The following UBE2D1 variants were observed in gnomAD, a reference collection of about 807,000 sequenced individuals.
UBE2D1 encodes the protein ubiquitin-conjugating enzyme E2 D1.
UBE2D1 carries 9 observed loss-of-function variants against 24.6 expected under a neutral mutation model. The observed-to-expected ratio is 0.37, with a 90% confidence interval of 0.22 to 0.64. The LOEUF (loss-of-function observed/expected upper bound fraction) is 0.64. UBE2D1 is among the 30% of genes least tolerant of loss of function. The pLI is 0.64. For synonymous variants in UBE2D1, 57 were observed against 57.6 expected (o/e 0.99, Z 0.04); for missense variants, 87 against 177.1 (o/e 0.49, Z 2.89).
In UBE2D1 at chr10:58,370,127, G is replaced by A. The variant is rs1015241844; in HGVS notation, c.*1362G>A. ...CCCTCTGTTTTTATAAGTTGCCATC[G>A]AAAAGTGATTTAAATAAGCAGGTTA... On this transcript the variant is annotated 3_prime_UTR_variant, in exon 7 of 7. Transcript: ENST00000373910. The A allele has an allele frequency of 2.0e-5, 3 of 150,954 alleles. No individual in the cohort carries two copies. Among genetic ancestry groups the A allele is most frequent in the African/African-American group, 4.9e-5 (2 of 41,070 alleles). 9.4% of individuals were successfully genotyped at this position (150,954 alleles called of 1,614,324 possible).
intron 1 of UBE2D1, among the ~76,000 whole-genome samples, chr10:58,355,071 CAT>C (rs775886035): frequency 2.6e-5 from 4 of 152,128 alleles, no homozygotes; most frequent in African/African-American, 9.7e-5. Context: ...TAAAATACCA[CAT>C]GTCATTAAGC....
At chr10:58,341,060 G>C (rs1839956681) in intron 1 of UBE2D1, among the ~76,000 whole-genome samples, 1 of 152,224 alleles carries the variant, frequency 6.6e-6, no homozygotes, top group Admixed American at 6.5e-5. Context: ...AACACATGCT[G>C]AGATCGTTTA....
chr10:58,369,315 A>T lies in UBE2D1; in HGVS notation c.*550A>T, dbSNP rs1589005681. On this transcript the variant is annotated 3_prime_UTR_variant, in exon 7 of 7. Transcript: ENST00000373910. ...GAATTAACTGTGTCTCCCTTGTCTTAGGATATTCTGTAGATTGATTGCAGA... is the reference window on the plus strand; with the variant it reads ...GAATTAACTGTGTCTCCCTTGTCTTTGGATATTCTGTAGATTGATTGCAGA... 1 of 152,650 alleles carries T rather than the reference A, an allele frequency of 6.6e-6. No homozygotes were observed. The highest frequency in any genetic ancestry group is 2.1e-4 in the South Asian group (1 of 4,830). 9.5% of individuals were successfully genotyped at this position (152,650 alleles called of 1,614,324 possible).
At chr10:58,354,984 T>A (rs1313486378) in intron 1 of UBE2D1, among the ~76,000 whole-genome samples, 2 of 152,228 alleles carry the variant, frequency 1.3e-5, no homozygotes, top group Non-Finnish European at 2.9e-5. Context: ...TGGCATTGTT[T>A]TATGTTTTCA....
At chr10:58,341,307 CT>C (rs1163661653) in intron 1 of UBE2D1, among the ~76,000 whole-genome samples, 2 of 152,184 alleles carry the variant, frequency 1.3e-5, no homozygotes, top group African/African-American at 4.8e-5. Flanking sequence ...GACTCCAGTT[CT>C]TTCTAGAAAG....
At chr10:58,351,277 A>G (rs1018750212) in intron 1 of UBE2D1, among the ~76,000 whole-genome samples, 3 of 152,156 alleles carry the variant, frequency 2.0e-5, no homozygotes, top group African/African-American at 7.2e-5. Flanking sequence ...TATAAACTTT[A>G]TTTTTTTAAC....
Position 58,335,169 on chromosome 10 carries a change from G to T in UBE2D1, c.-33G>T. On this transcript the variant is annotated 5_prime_UTR_variant, in exon 1 of 7. Transcript: ENST00000373910. ...CCCCTGAGCCCCGCAGCCGACCCCT[G>T]CCGGCCGGTGTCCCCACCGCCATCC... 1 of 1,541,546 alleles carries T rather than the reference G, an allele frequency of 6.5e-7. No individual in the cohort carries two copies.
At chr10:58,367,048 AT>A (rs1194334645) in intron 5 of UBE2D1, among the ~76,000 whole-genome samples, 2 of 152,138 alleles carry the variant, frequency 1.3e-5, no homozygotes, top group African/African-American at 4.8e-5. Flanking sequence ...TAAAATACTA[AT>A]TTTTTCTTTA....
chr10:58,359,210 A>T (rs746092707), intron 1 of UBE2D1, among the ~76,000 whole-genome samples: 1 of 152,016 alleles, frequency 6.6e-6, no homozygotes, highest in Admixed American at 6.6e-5. Flanking sequence ...CATTGCCATA[A>T]TTACCTTATT....
chr10:58,351,777 A>G (rs1840079739), intron 1 of UBE2D1, among the ~76,000 whole-genome samples: 1 of 152,202 alleles, frequency 6.6e-6, no homozygotes, highest in Non-Finnish European at 1.5e-5. Flanking sequence ...TATGTGCTAT[A>G]CTTTTATAGG....
chr10:58,370,683 C>A lies in UBE2D1; in HGVS notation c.*1918C>A. The A allele has an allele frequency of 6.7e-6, 1 of 149,076 alleles. No homozygotes were observed. The allele number at this position is 149,076 out of a possible 1,614,324, so 9.2% of individuals were successfully genotyped here. A position where few individuals can be genotyped will look rare whatever the true frequency, so the allele number is the denominator to read the frequency against. On this transcript the variant is annotated 3_prime_UTR_variant, in exon 7 of 7. Coordinates refer to ENST00000373910, the MANE Select transcript of UBE2D1 (RefSeq NM_003338.5). Reference sequence around the variant, plus strand: ...TTAAACAAAAAAAAAAAACAACTTTCATTTGTGTGGCATTTATTTTTGGAA... The same window carrying A: ...TTAAACAAAAAAAAAAAACAACTTTAATTTGTGTGGCATTTATTTTTGGAA...
At chr10:58,351,869 A>G (rs1403256120) in intron 1 of UBE2D1, among the ~76,000 whole-genome samples, 2 of 152,198 alleles carry the variant, frequency 1.3e-5, no homozygotes, top group Non-Finnish European at 2.9e-5. Flanking sequence ...TAGGATGGCT[A>G]CAAGGTCATT....
intron 1 of UBE2D1, among the ~76,000 whole-genome samples, chr10:58,341,386 G>A (rs1033627722): frequency 1.3e-5 from 2 of 152,136 alleles, no homozygotes; most frequent in Admixed American, 6.5e-5. Context: ...TGAGATGAGA[G>A]CGAGATAGTG....
At chr10:58,358,974 AG>A (rs1840163382) in intron 1 of UBE2D1, among the ~76,000 whole-genome samples, 1 of 146,470 alleles carries the variant, frequency 6.8e-6, no homozygotes, top group Non-Finnish European at 1.5e-5. Flanking sequence ...TAACCCTGTT[AG>A]TTAATTCTTA....
At chr10:58,339,443 A>G (rs1421639868) in intron 1 of UBE2D1, among the ~76,000 whole-genome samples, 3 of 152,146 alleles carry the variant, frequency 2.0e-5, no homozygotes, top group Non-Finnish European at 2.9e-5. Context: ...GTGGCTTACT[A>G]GCTTCGTACA....
intron 1 of UBE2D1, among the ~76,000 whole-genome samples, chr10:58,340,853 A>G (rs1180445581): frequency 1.3e-5 from 2 of 152,198 alleles, no homozygotes; most frequent in African/African-American, 2.4e-5. Context: ...TCTTATCCAC[A>G]TGAACTCGTA....
At chr10:58,347,861 C>G (rs892253167) in intron 1 of UBE2D1, among the ~76,000 whole-genome samples, 1 of 152,060 alleles carries the variant, frequency 6.6e-6, no homozygotes, top group African/African-American at 2.4e-5. Flanking sequence ...GTTGGCCAGG[C>G]TGGTCTCGAA....
intron 4 of UBE2D1, 116 bp from the exon 5 acceptor site, chr10:58,364,655 C>T (rs897652589): frequency 4.5e-6 from 3 of 669,948 alleles, no homozygotes; most frequent in Non-Finnish European, 7.6e-6. Flanking sequence ...GATGACTTTT[C>T]TCCTCTAAAG....
chr10:58,343,146 A>G (rs2132316006), intron 1 of UBE2D1, among the ~76,000 whole-genome samples: 2 of 152,278 alleles, frequency 1.3e-5, no homozygotes, highest in South Asian at 4.1e-4. Context: ...GCACTTTTGA[A>G]TGAATGATGG....
Sources: allele counts gnomAD v4.1 joint callset (sites outside exome capture counted in the v4.1 genomes callset), GRCh38; gene constraint gnomAD v4.1.1; transcripts MANE v1.5; gene names NCBI Gene and HGNC (gene_info 2026-07-23, HGNC 2026-07-21).